The following BAZ2B variants were observed in gnomAD, a reference collection of about 807,000 sequenced individuals.
BAZ2B encodes bromodomain adjacent to zinc finger domain 2B, also known as bromodomain adjacent to zinc finger domain protein 2B.
A neutral mutation model predicts 246.0 loss-of-function variants in BAZ2B; 91 were observed. The ratio of observed to expected loss-of-function variants is 0.37; its 90% confidence interval spans 0.31 to 0.44. The LOEUF is 0.44. Ranked by LOEUF, BAZ2B falls within the 20% of genes least tolerant of loss-of-function variation. The pLI is 1.00. For synonymous variants in BAZ2B, 855 were observed against 860.0 expected (o/e 0.99, Z 0.10); for missense variants, 2,332 against 2,533.7 (o/e 0.92, Z 1.71).
chr2:159,695,261 T>C, the BAZ2B span: 1 of 152,194 alleles, frequency 6.6e-6, no homozygotes, highest in South Asian at 2.1e-4. Context: ...TACAGGTGCC[T>C]TGTCATATAT....
At chr2:159,368,759 G>A (rs1053358965) in intron 27 of BAZ2B, among the ~76,000 whole-genome samples, 1 of 149,448 alleles carries the variant, frequency 6.7e-6, no homozygotes, top group Admixed American at 6.7e-5. Flanking sequence ...ATATTTTTTT[G>A]CAGAAACAGA....
chr2:159,492,368 G>C (rs1012501719), intron 2 of BAZ2B, among the ~76,000 whole-genome samples: 1 of 152,176 alleles, frequency 6.6e-6, no homozygotes, highest in African/African-American at 2.4e-5. Context: ...TGACAATTTG[G>C]AGAAGTCAAA....
chr2:159,426,840 CA>C (rs1162699934), intron 13 of BAZ2B, among the ~76,000 whole-genome samples: 8 of 152,064 alleles, frequency 5.3e-5, no homozygotes, highest in Non-Finnish European at 1.5e-5. Flanking sequence ...TTTTCCATTT[CA>C]AAATTATAAA....
chr2:159,616,292 C>G lies in BAZ2B; in HGVS notation c.-96G>C, dbSNP rs568934108. ...GTAGATGGGATTTTTGCCTTTTCCC[C>G]AGATGGTTGAAGGTTAAGATTTTTG... On this transcript the variant is annotated 5_prime_UTR_variant, in exon 1 of 37. Transcript: ENST00000392783. The G allele has an allele frequency of 2.0e-5, 3 of 152,360 alleles. No individual in the cohort carries two copies. In the East Asian group the frequency reaches 5.8e-4, roughly 29 times the overall value. The allele number at this position is 152,360 out of a possible 1,614,324, so 9.4% of individuals were successfully genotyped here.
the BAZ2B span, chr2:159,711,877 C>T: frequency 6.6e-6 from 1 of 152,046 alleles, no homozygotes; most frequent in Non-Finnish European, 1.5e-5. Context: ...GTTACTATCA[C>T]GATTTTAAAA....
the BAZ2B span, among the ~76,000 whole-genome samples, chr2:159,644,889 T>G: frequency 6.6e-6 from 1 of 152,236 alleles, no homozygotes; most frequent in African/African-American, 2.4e-5. Flanking sequence ...GAAAACTTTT[T>G]CCTTAATAAT....
chr2:159,373,823 CA>C (rs1325068244), intron 26 of BAZ2B, among the ~76,000 whole-genome samples: 2 of 151,968 alleles, frequency 1.3e-5, no homozygotes, highest in African/African-American at 4.8e-5. Flanking sequence ...GACTCTGTTT[CA>C]AAAAGCAAAG....
At chr2:159,394,368 T>G (rs895834656) in intron 20 of BAZ2B, among the ~76,000 whole-genome samples, 1 of 152,086 alleles carries the variant, frequency 6.6e-6, no homozygotes, top group African/African-American at 2.4e-5. Context: ...ATACGTTACC[T>G]CTCTCTTTCC....
At chr2:159,691,786 G>C in the BAZ2B span, among the ~76,000 whole-genome samples, 3 of 152,308 alleles carry the variant, frequency 2.0e-5, no homozygotes, top group Middle Eastern at 3.4e-3. Flanking sequence ...ACTTTTTACT[G>C]TGATACAGTG....
chr2:159,640,642 T>G, the BAZ2B span, among the ~76,000 whole-genome samples: 1 of 152,052 alleles, frequency 6.6e-6, no homozygotes. Flanking sequence ...TTGAAAGCTT[T>G]CTTGAAACAA....
chr2:159,490,706 T>G (rs2080362930), intron 2 of BAZ2B, among the ~76,000 whole-genome samples: 1 of 152,066 alleles, frequency 6.6e-6, no homozygotes, highest in African/African-American at 2.4e-5. Flanking sequence ...TTTATTTTTA[T>G]TTTTGAAGAG....
intron 2 of BAZ2B, among the ~76,000 whole-genome samples, chr2:159,496,037 G>A (rs1275463067): frequency 6.6e-6 from 1 of 150,728 alleles, no homozygotes; most frequent in East Asian, 2.0e-4. Flanking sequence ...CCAAAGTGCT[G>A]GGATTACAGG....
chr2:159,525,007 G>C (rs1030626809), intron 2 of BAZ2B, among the ~76,000 whole-genome samples: 6 of 152,052 alleles, frequency 3.9e-5, no homozygotes, highest in African/African-American at 1.4e-4. Flanking sequence ...GCAATATAGA[G>C]AGACCCTGTC....
the BAZ2B span, among the ~76,000 whole-genome samples, chr2:159,625,078 C>G: frequency 7.9e-5 from 12 of 151,734 alleles, no homozygotes; most frequent in African/African-American, 2.9e-4. Flanking sequence ...GAAAGGATAT[C>G]AGAGACTGAA....
chr2:159,387,780 C>G, intron 21 of BAZ2B, among the ~76,000 whole-genome samples: 1 of 152,040 alleles, frequency 6.6e-6, no homozygotes, highest in East Asian at 1.9e-4. Flanking sequence ...ATAAAAGATA[C>G]AAGAAAATGA....
Position 159,516,955 on chromosome 2 carries a change from G to T in BAZ2B, c.-2-38234C>A, listed in dbSNP as rs58082845. ...GCAATGCTAACAAATAAGAATAACT[G>T]CTCAAAAACCTGCCAAAAATAAAGA... is the stretch of plus-strand genomic sequence containing the variant. On this transcript the variant is annotated intron_variant, in intron 2 of 36. Coordinates refer to ENST00000392783, the MANE Select transcript of BAZ2B (RefSeq NM_013450.4). Among the ~76,000 whole-genome samples, 1,008 of 152,040 alleles carry T rather than the reference G, an allele frequency of 6.6e-3. 8 individuals carry two copies. Among genetic ancestry groups the T allele is most frequent in the African/African-American group, 0.023 (962 of 41,502 alleles).
intron 5 of BAZ2B, among the ~76,000 whole-genome samples, chr2:159,447,184 T>TGA (rs2074376629): frequency 6.6e-6 from 1 of 150,404 alleles, no homozygotes; most frequent in African/African-American, 2.4e-5. Flanking sequence ...CTTCCAGGGC[T>TGA]GAGAGAGAGG....
intron 5 of BAZ2B, among the ~76,000 whole-genome samples, 175 bp from the exon 6 acceptor site, chr2:159,447,150 C>A (rs537959684): frequency 6.6e-6 from 1 of 152,230 alleles, no homozygotes; most frequent in East Asian, 1.9e-4. Context: ...GGTAAACCTA[C>A]AGGGACAAAG....
intron 8 of BAZ2B, among the ~76,000 whole-genome samples, chr2:159,437,015 C>T (rs1418447809): frequency 6.6e-6 from 1 of 152,110 alleles, no homozygotes; most frequent in Non-Finnish European, 1.5e-5. Flanking sequence ...ATGTAAATGT[C>T]TAATTTTATC....
Sources: allele counts gnomAD v4.1 joint callset (sites outside exome capture counted in the v4.1 genomes callset), GRCh38; gene constraint gnomAD v4.1.1; transcripts MANE v1.5; gene names NCBI Gene and HGNC (gene_info 2026-07-23, HGNC 2026-07-21).